The following MICOS10 variants were observed in gnomAD, a reference collection of about 807,000 sequenced individuals.
MICOS10 encodes the protein MICOS complex subunit MIC10.
In MICOS10, 5 loss-of-function variants were observed where a neutral mutation model predicts 13.4. The ratio of observed to expected loss-of-function variants is 0.37; its 90% CI spans 0.20 to 0.78. The LOEUF (loss-of-function observed/expected upper bound fraction) is 0.78. MICOS10 is among the 30% of genes least tolerant of loss of function. The probability of loss-of-function intolerance (pLI) is 0.47; values close to 1 mark genes in which losing one functional copy is unlikely to be tolerated. For missense variants in MICOS10, 101 were observed against 94.6 expected (o/e 1.07, Z -0.28); for synonymous variants, 35 against 33.6 (o/e 1.04, Z -0.15).
chr1:19,610,815 A>G (rs781007109), intron 1 of MICOS10, among the ~76,000 whole-genome samples: 2 of 152,202 alleles, frequency 1.3e-5, no homozygotes, highest in African/African-American at 2.4e-5. Context: ...TTAAATGATT[A>G]ACTAAAGCAA....
intron 1 of MICOS10, among the ~76,000 whole-genome samples, chr1:19,605,581 C>G (rs1380209914): frequency 6.6e-6 from 1 of 152,202 alleles, no homozygotes; most frequent in Non-Finnish European, 1.5e-5. Flanking sequence ...TTGCATTTAT[C>G]TGTTCATCAT....
At chr1:19,609,534 G>A (rs370448742) in intron 1 of MICOS10, among the ~76,000 whole-genome samples, 4 of 152,180 alleles carry the variant, frequency 2.6e-5, no homozygotes, top group Admixed American at 1.3e-4. Context: ...TTACACATGC[G>A]TGTTCATAGC....
intron 3 of MICOS10, chr1:19,625,410 G>A (rs968696775): frequency 7.8e-7 from 1 of 1,289,314 alleles, no homozygotes; most frequent in Non-Finnish European, 1.0e-6. Context: ...GAAACCGTCA[G>A]CTGCCTGCAG....
At chr1:19,614,374 A>C (rs1425744745) in intron 1 of MICOS10, 1 of 143,820 alleles carries the variant, frequency 7.0e-6, no homozygotes, top group African/African-American at 2.8e-5. Context: ...ATACACACCC[A>C]CTCTCTCTTT....
At chr1:19,602,821 CA>C (rs1276095624) in intron 1 of MICOS10, among the ~76,000 whole-genome samples, 5 of 152,166 alleles carry the variant, frequency 3.3e-5, no homozygotes, top group African/African-American at 1.2e-4. Context: ...GGCTAGAAGG[CA>C]TAGTGTCTTA....
At chr1:19,605,448 A>G (rs1423686026) in intron 1 of MICOS10, among the ~76,000 whole-genome samples, 4 of 151,926 alleles carry the variant, frequency 2.6e-5, no homozygotes, top group Non-Finnish European at 5.9e-5. Context: ...GCAACCACCA[A>G]TTTACTTTTT....
intron 1 of MICOS10, among the ~76,000 whole-genome samples, chr1:19,599,082 G>T (rs2094804065): frequency 6.6e-6 from 1 of 151,858 alleles, no homozygotes; most frequent in Non-Finnish European, 1.5e-5. Context: ...TTGAAATAGG[G>T]TCTCGCTCTG....
At chr1:19,616,942 T>C (rs1383479891) in intron 1 of MICOS10, among the ~76,000 whole-genome samples, 3 of 152,230 alleles carry the variant, frequency 2.0e-5, no homozygotes. Context: ...TTTTGTATCT[T>C]TTTTTCTCAG....
At chr1:19,624,807 G>A (rs1263500031) in intron 3 of MICOS10, among the ~76,000 whole-genome samples, 3 of 125,004 alleles carry the variant, frequency 2.4e-5, no homozygotes, top group African/African-American at 1.9e-4. Flanking sequence ...AAACAAAATA[G>A]CACTCAAATA....
At chr1:19,603,058 G>A (rs1288850340) in intron 1 of MICOS10, among the ~76,000 whole-genome samples, 3 of 152,092 alleles carry the variant, frequency 2.0e-5, no homozygotes, top group South Asian at 2.1e-4. Flanking sequence ...GGCCGGGCTC[G>A]CTGGCTCACA....
intron 1 of MICOS10, among the ~76,000 whole-genome samples, chr1:19,603,828 G>A (rs1435295384): frequency 6.6e-6 from 1 of 152,188 alleles, no homozygotes; most frequent in Non-Finnish European, 1.5e-5. Flanking sequence ...CAGAGGGCTG[G>A]CTGGGATGAA....
At chr1:19,626,341 A>G (rs2094922043) in intron 3 of MICOS10, 46 bp from the exon 4 acceptor site, 7 of 1,613,562 alleles carry the variant, frequency 4.3e-6, no homozygotes, top group Non-Finnish European at 4.2e-6. Context: ...GAGGGTTGTC[A>G]GAATGCCGTC....
intron 1 of MICOS10, among the ~76,000 whole-genome samples, chr1:19,619,352 C>T (rs529582627): frequency 2.6e-5 from 4 of 152,292 alleles, no homozygotes; most frequent in African/African-American, 9.6e-5. Context: ...TGAGGTAAAG[C>T]TTTATGATCT....
In MICOS10 at chr1:19,622,172, C is replaced by G. The variant is rs1449792383; in HGVS notation, c.112+25C>G. The G allele has an allele frequency of 2.5e-6, 4 of 1,574,952 alleles. 1 individual carries two copies. In the South Asian group the frequency reaches 4.4e-5, roughly 18 times the overall value. On this transcript the variant is annotated intron_variant, in intron 2 of 3. Transcript: ENST00000322753. ...AGTAAGTGTCACTCTGTCTTTTCAA[C>G]ATAATGTCATAGTGTATACATATAC...
At position 19,628,944 on chromosome 1, in the gene MICOS10, T is replaced by C. The variant is rs1339844338; in HGVS notation, c.*2543T>C. 6.6e-6 allele frequency: 1 copy of C among 152,252 alleles called. No homozygotes were observed. Among genetic ancestry groups the C allele is most frequent in the Non-Finnish European group, 1.5e-5 (1 of 68,082 alleles). 9.4% of individuals were successfully genotyped at this position (152,252 alleles called of 1,614,324 possible). On this transcript the variant is annotated 3_prime_UTR_variant, in exon 4 of 4. Transcript: ENST00000322753. ...CCTTGGAAGCACCACTGAAGTGCTC[T>C]GAGAAAGGGGTCAGCTGTCTGAGGG...
At chr1:19,623,333 A>T in intron 2 of MICOS10, 141 bp from the exon 3 acceptor site, 1 of 600,448 alleles carries the variant, frequency 1.7e-6, no homozygotes, top group Non-Finnish European at 3.0e-6. Context: ...AAACATTGAT[A>T]AAAATGTATG....
intron 1 of MICOS10, among the ~76,000 whole-genome samples, chr1:19,602,104 A>G (rs1013882579): frequency 1.3e-5 from 2 of 152,060 alleles, no homozygotes; most frequent in African/African-American, 4.8e-5. Context: ...TCTTTACTTG[A>G]TTGTTTCTTC....
intron 2 of MICOS10, 120 bp downstream of exon 2, chr1:19,622,267 G>C: frequency 1.5e-6 from 1 of 657,068 alleles, no homozygotes; most frequent in Middle Eastern, 4.1e-4. Context: ...ATCCATTTAT[G>C]GGGTTAGGTA....
At chr1:19,617,906 AAT>A (rs138537670) in intron 1 of MICOS10, among the ~76,000 whole-genome samples, 10 of 151,456 alleles carry the variant, frequency 6.6e-5, no homozygotes, top group Non-Finnish European at 8.8e-5. Flanking sequence ...TCTATTAAAA[AAT>A]ATATATATAT....
Sources: allele counts gnomAD v4.1 joint callset (sites outside exome capture counted in the v4.1 genomes callset), GRCh38; gene constraint gnomAD v4.1.1; transcripts MANE v1.5; gene names NCBI Gene and HGNC (gene_info 2026-07-23, HGNC 2026-07-21).